The following RGS6 variants were observed in gnomAD, a reference collection of about 807,000 sequenced individuals.
RGS6 encodes regulator of G protein signaling 6, also known as regulator of G-protein signaling 6.
RGS6 carries 30 observed loss-of-function variants against 78.5 expected under a neutral mutation model. The observed-to-expected ratio is 0.38, with a 90% CI of 0.29 to 0.52. RGS6 has a LOEUF of 0.52. RGS6 is among the 20% of genes least tolerant of loss of function. RGS6 has a pLI of 0.85. For synonymous variants in RGS6, 206 were observed against 206.0 expected (o/e 1.00, Z 0.00); for missense variants, 495 against 609.7 (o/e 0.81, Z 1.98).
chr14:72,021,320 C>G (rs988639191), intron 2 of RGS6, among the ~76,000 whole-genome samples: 3 of 152,148 alleles, frequency 2.0e-5, no homozygotes, highest in Non-Finnish European at 4.4e-5. Context: ...AGCTGCTAGT[C>G]TTGCTCTTCT....
chr14:72,395,724 G>T (rs1257367669), intron 3 of RGS6, among the ~76,000 whole-genome samples: 2 of 147,058 alleles, frequency 1.4e-5, no homozygotes, highest in South Asian at 2.2e-4. Flanking sequence ...GATGTTCCCC[G>T]TCCTGTGTCC....
At chr14:72,090,473 T>G (rs1041744235) in intron 2 of RGS6, among the ~76,000 whole-genome samples, 1 of 152,184 alleles carries the variant, frequency 6.6e-6, no homozygotes, top group African/African-American at 2.4e-5. Flanking sequence ...CTGCTCCTTA[T>G]GAGAATCTAA....
intron 2 of RGS6, among the ~76,000 whole-genome samples, chr14:72,033,114 C>G (rs1179709400): frequency 6.6e-6 from 1 of 152,144 alleles, no homozygotes; most frequent in Non-Finnish European, 1.5e-5. Flanking sequence ...TTACATTAGT[C>G]TATGGTTGGG....
intron 2 of RGS6, among the ~76,000 whole-genome samples, chr14:72,008,775 G>A (rs941312326): frequency 6.6e-6 from 1 of 152,162 alleles, no homozygotes; most frequent in African/African-American, 2.4e-5. Flanking sequence ...TTCAGATGAT[G>A]CAGACCAGAT....
chr14:72,325,310 T>C (rs2073416447), intron 2 of RGS6, among the ~76,000 whole-genome samples: 1 of 152,250 alleles, frequency 6.6e-6, no homozygotes, highest in African/African-American at 2.4e-5. Flanking sequence ...TGTTGCCTGT[T>C]CACTCTGATG....
the RGS6 span, among the ~76,000 whole-genome samples, chr14:71,884,866 T>C: frequency 6.6e-6 from 1 of 152,166 alleles, no homozygotes; most frequent in African/African-American, 2.4e-5. Context: ...CCCTGGAGCA[T>C]ACAATTTAAG....
chr14:72,038,712 G>A (rs570394877), intron 2 of RGS6, among the ~76,000 whole-genome samples: 1 of 152,126 alleles, frequency 6.6e-6, no homozygotes, highest in East Asian at 1.9e-4. Flanking sequence ...TTGGTTTCCA[G>A]CTCCTTATTG....
At chr14:72,093,179 A>C (rs990635571) in intron 2 of RGS6, among the ~76,000 whole-genome samples, 1 of 152,112 alleles carries the variant, frequency 6.6e-6, no homozygotes, top group Non-Finnish European at 1.5e-5. Context: ...AGGACGACCA[A>C]TATCTTAAAT....
At chr14:72,391,410 T>C (rs1191272329) in intron 3 of RGS6, among the ~76,000 whole-genome samples, 3 of 152,198 alleles carry the variant, frequency 2.0e-5, no homozygotes, top group African/African-American at 7.2e-5. Flanking sequence ...GAGTTAGTAA[T>C]TTCTCACCTC....
rs369783605 is a variant in RGS6 at position 72,509,565 on chromosome 14, T to C, written c.966-589T>C. ...ACTCAGTGGGTTAACAGATGTAAAATGCTTGAGACGGTGTCTAGCACACGG... is the reference window on the plus strand; with the variant it reads ...ACTCAGTGGGTTAACAGATGTAAAACGCTTGAGACGGTGTCTAGCACACGG... On this transcript the variant is annotated intron_variant, in intron 13 of 17. Transcript: ENST00000553525. 5.3e-5 allele frequency among the ~76,000 whole-genome samples: 8 copies of C among 152,316 alleles called. No homozygotes were observed. The East Asian group carries it at 1.3e-3, about 26-fold the overall frequency.
At chr14:71,996,441 T>TGA (rs2095209508) in intron 2 of RGS6, among the ~76,000 whole-genome samples, 1 of 151,974 alleles carries the variant, frequency 6.6e-6, no homozygotes, top group Admixed American at 6.6e-5. Flanking sequence ...ATCTAGTCAT[T>TGA]GAGAGAGACC....
chr14:72,216,447 C>G (rs998052974), intron 2 of RGS6, among the ~76,000 whole-genome samples: 1 of 152,164 alleles, frequency 6.6e-6, no homozygotes, highest in Non-Finnish European at 1.5e-5. Context: ...CGCACCAACA[C>G]GAGGAATTAT....
At chr14:72,416,626 G>A (rs532379533) in intron 3 of RGS6, among the ~76,000 whole-genome samples, 1 of 152,218 alleles carries the variant, frequency 6.6e-6, no homozygotes, top group Non-Finnish European at 1.5e-5. Context: ...GGAAGTAGCA[G>A]TAGACACCTG....
At chr14:71,957,555 G>GT (rs34539613) in intron 1 of RGS6, among the ~76,000 whole-genome samples, 19,042 of 152,110 alleles carry the variant, frequency 0.13, 1,462 homozygotes, top group Non-Finnish European at 0.16. Flanking sequence ...GGTGGGATGA[G>GT]TCTGTGGGGA....
At chr14:72,382,436 G>A (rs2086413696) in intron 3 of RGS6, among the ~76,000 whole-genome samples, 1 of 152,166 alleles carries the variant, frequency 6.6e-6, no homozygotes, top group Admixed American at 6.5e-5. Flanking sequence ...ATTAGACTCT[G>A]ACCATGCCAG....
intron 2 of RGS6, among the ~76,000 whole-genome samples, chr14:72,327,255 C>T (rs2074010470): frequency 6.6e-6 from 1 of 152,118 alleles, no homozygotes; most frequent in Non-Finnish European, 1.5e-5. Flanking sequence ...AGCTTTGTGA[C>T]CTAGAGCAAA....
At chr14:71,947,278 C>G (rs532220905) in intron 1 of RGS6, among the ~76,000 whole-genome samples, 1 of 152,274 alleles carries the variant, frequency 6.6e-6, no homozygotes, top group African/African-American at 2.4e-5. Flanking sequence ...GTTGGCATGA[C>G]TGATCAGGAA....
At chr14:72,130,656 C>A (rs990578044) in intron 2 of RGS6, among the ~76,000 whole-genome samples, 9 of 152,190 alleles carry the variant, frequency 5.9e-5, no homozygotes, top group Admixed American at 5.9e-4. Flanking sequence ...GGGTTGATGA[C>A]AAAGAATGTG....
Position 72,474,650 on chromosome 14 carries a change from T to C in RGS6, c.644T>C (p.Met215Thr). 3.1e-6 allele frequency: 5 copies of C among 1,613,184 alleles called. No homozygotes were observed. The highest frequency in any genetic ancestry group is 4.2e-6 in the Non-Finnish European group (5 of 1,179,640). The stretch of plus-strand genomic sequence containing the variant: ...CCAGGCTGTGTGAACACAACAGAAA[T>C]GGATATCCGAAAATGTCGACGTTTG... ...PVPGCVNTTE[M>T]DIRKCRRLKN... The change falls in exon 10 of 18, where the codon ATG (methionine) becomes ACG (threonine). Residue 215 changes from methionine to threonine, a missense_variant. By Grantham distance (81) the Met-to-Thr change is moderately conservative. Coordinates refer to ENST00000553525, the MANE Select transcript of RGS6 (RefSeq NM_001204424.2).
Sources: gnomAD v4.1 joint callset for allele counts (sites outside exome capture counted in the v4.1 genomes callset) on GRCh38, gnomAD v4.1.1 for gene constraint, MANE v1.5 for transcripts, NCBI Gene and HGNC (gene_info 2026-07-23, HGNC 2026-07-21) for gene names.